The following KIAA1549L variants were observed in gnomAD, a reference collection of about 807,000 sequenced individuals.
KIAA1549L encodes KIAA1549 like.
A neutral mutation model predicts 160.7 loss-of-function variants in KIAA1549L; 88 were observed. The observed-to-expected ratio is 0.55, with a 90% CI of 0.46 to 0.65. The LOEUF (loss-of-function observed/expected upper bound fraction) is 0.65. Among genes scored for constraint, KIAA1549L ranks in the 30% least tolerant of loss-of-function variants. The pLI, the probability that KIAA1549L is intolerant of heterozygous loss-of-function variation, is 0.00. For synonymous variants in KIAA1549L, 950 were observed against 976.7 expected (o/e 0.97, Z 0.51); for missense variants, 2,258 against 2,437.5 (o/e 0.93, Z 1.55).
intron 16 of KIAA1549L, among the ~76,000 whole-genome samples, chr11:33,634,811 A>T (rs576695652): frequency 2.6e-5 from 4 of 152,056 alleles, no homozygotes; most frequent in South Asian, 4.2e-4. Context: ...TCTATGAGAG[A>T]CCCTTTATAT....
intron 1 of KIAA1549L, among the ~76,000 whole-genome samples, chr11:33,408,317 G>A (rs1335229613): frequency 6.6e-6 from 1 of 151,900 alleles, no homozygotes; most frequent in Non-Finnish European, 1.5e-5. Flanking sequence ...GCTGGGCAGG[G>A]GACTTCGTCA....
rs879500574 is a variant in KIAA1549L, at chr11:33,614,531, G to GCTATATATATATATATATAT, written c.5280-4002_5280-4001insCTATATATATATATATATAT. On this transcript the variant is annotated intron_variant, in intron 15 of 20. Coordinates refer to ENST00000658780, the MANE Select transcript of KIAA1549L (RefSeq NM_012194.3). Reference sequence around the variant, plus strand: ...CTCTTGGGATCTGTGAGTGTAACAAGATATATATATATATATATATATATA... The same window carrying GCTATATATATATATATATAT: ...CTCTTGGGATCTGTGAGTGTAACAAGCTATATATATATATATATATATATATATATATATATATATATATA... 1.5e-4 allele frequency among the ~76,000 whole-genome samples: 4 copies of GCTATATATATATATATATAT among 27,114 alleles called. 1 individual carries two copies. Among genetic ancestry groups the GCTATATATATATATATATAT allele is most frequent in the Admixed American group, 6.7e-4 (1 of 1,500 alleles). 17.8% of individuals were successfully genotyped at this position (27,114 alleles called of 152,430 possible).
rs574386996 is a variant in KIAA1549L at position 33,416,612 on chromosome 11, G to A, written c.238+39723G>A. ...ATGGGAGGATGTGTGTAGGTTATAT[G>A]CAAATACTACACCATTTTATATAAG... On this transcript the variant is annotated intron_variant, in intron 1 of 20. Coordinates refer to ENST00000658780, the MANE Select transcript of KIAA1549L (RefSeq NM_012194.3). Among the ~76,000 whole-genome samples, 6 of 152,246 alleles carry A rather than the reference G, an allele frequency of 3.9e-5. No individual in the cohort carries two copies. The South Asian group carries it at 1.2e-3, about 32-fold the overall frequency.
chr11:33,430,252 C>T (rs545955005), intron 1 of KIAA1549L, among the ~76,000 whole-genome samples: 7 of 139,586 alleles, frequency 5.0e-5, no homozygotes, highest in African/African-American at 1.9e-4. Context: ...CTCCCTCCCT[C>T]TCTCCCTCCC....
chr11:33,478,727 A>AT (rs1852345929), intron 1 of KIAA1549L, among the ~76,000 whole-genome samples: 1 of 152,084 alleles, frequency 6.6e-6, no homozygotes, highest in South Asian at 2.1e-4. Context: ...AGGTGCTATT[A>AT]TTTTTTTAAA....
intron 16 of KIAA1549L, among the ~76,000 whole-genome samples, chr11:33,639,963 G>T (rs944433256): frequency 3.3e-5 from 5 of 152,140 alleles, no homozygotes; most frequent in African/African-American, 1.2e-4. Flanking sequence ...CCATTTATTA[G>T]AATGCTATGA....
intron 9 of KIAA1549L, among the ~76,000 whole-genome samples, chr11:33,569,914 A>C (rs1166896379): frequency 2.6e-5 from 4 of 152,168 alleles, no homozygotes; most frequent in Non-Finnish European, 4.4e-5. Context: ...GGGCCACCCT[A>C]CAACCCTGGT....
intron 20 of KIAA1549L, 30 bp from the exon 21 acceptor site, chr11:33,667,843 C>T: frequency 2.5e-6 from 4 of 1,585,138 alleles, no homozygotes; most frequent in Non-Finnish European, 1.7e-6. Context: ...CATGCCAGGC[C>T]CTGTCCTTCT....
chr11:33,578,007 A>AT (rs1455469177), intron 10 of KIAA1549L, among the ~76,000 whole-genome samples: 1 of 152,134 alleles, frequency 6.6e-6, no homozygotes, highest in East Asian at 1.9e-4. Flanking sequence ...TCAAAATGAC[A>AT]TTTTTAGCCA....
intron 15 of KIAA1549L, among the ~76,000 whole-genome samples, chr11:33,614,539 T>C (rs1408833384): frequency 1.7e-3 from 8 of 4,624 alleles, no homozygotes; most frequent in Non-Finnish European, 2.8e-3. Flanking sequence ...AAGATATATA[T>C]ATATATATAT....
At chr11:33,407,844 G>A (rs574831756) in intron 1 of KIAA1549L, among the ~76,000 whole-genome samples, 7 of 152,218 alleles carry the variant, frequency 4.6e-5, no homozygotes, top group South Asian at 2.1e-4. Context: ...AGCCTTCTGC[G>A]CCCGTCTATC....
rs138063173 is a variant in KIAA1549L, at chr11:33,408,489, GTA to G, written c.238+31621_238+31622del. 2.2e-3 allele frequency among the ~76,000 whole-genome samples: 270 copies of G among 122,706 alleles called. 1 individual carries two copies. Among genetic ancestry groups the G allele is most frequent in the South Asian group, 6.7e-3 (27 of 4,046 alleles). 80.5% of individuals were successfully genotyped at this position (122,706 alleles called of 152,430 possible). ...ATATATATACATACTCTGTATATGT[GTA>G]TATATATATATATATATATACACAT... On this transcript the variant is annotated intron_variant, in intron 1 of 20. Transcript: ENST00000658780.
chr11:33,536,305 T>C (rs1853891773), intron 1 of KIAA1549L, among the ~76,000 whole-genome samples: 2 of 152,230 alleles, frequency 1.3e-5, no homozygotes, highest in Admixed American at 1.3e-4. Flanking sequence ...TGTCTGGGCC[T>C]CAGTTGGGAC....
At chr11:33,392,115 G>A (rs1850282746) in intron 1 of KIAA1549L, among the ~76,000 whole-genome samples, 1 of 152,138 alleles carries the variant, frequency 6.6e-6, no homozygotes, top group Non-Finnish European at 1.5e-5. Flanking sequence ...TGGCCTAAGG[G>A]CACATTGCTT....
At chr11:33,535,194 T>C (rs1853865857) in intron 1 of KIAA1549L, among the ~76,000 whole-genome samples, 1 of 152,188 alleles carries the variant, frequency 6.6e-6, no homozygotes, top group East Asian at 1.9e-4. Flanking sequence ...TAAGAGGCTG[T>C]TCATGGTTCC....
rs1851493991 is a variant in KIAA1549L, at chr11:33,441,100, G to A, written c.238+64211G>A. 2.1e-5 allele frequency among the ~76,000 whole-genome samples: 3 copies of A among 139,690 alleles called. No individual in the cohort carries two copies. The South Asian group carries it at 6.8e-4, about 32-fold the overall frequency. 91.6% of individuals were successfully genotyped at this position (139,690 alleles called of 152,430 possible). ...CCTACCTCACAACAGTCCCCAGTGT[G>A]TGATGTTCCCCTTCCCGTGTCCATG... On this transcript the variant is annotated intron_variant, in intron 1 of 20. Coordinates refer to ENST00000658780, the MANE Select transcript of KIAA1549L (RefSeq NM_012194.3).
intron 18 of KIAA1549L, among the ~76,000 whole-genome samples, chr11:33,658,185 G>C (rs978272473): frequency 1.3e-5 from 2 of 152,080 alleles, no homozygotes; most frequent in Non-Finnish European, 2.9e-5. Flanking sequence ...GATTGCCCGG[G>C]GAACAAAAAA....
chr11:33,645,895 A>G lies in KIAA1549L; in HGVS notation c.5619A>G (p.Gln1873=), dbSNP rs1482177225. 2 of 1,613,722 alleles carry G rather than the reference A, an allele frequency of 1.2e-6. No individual in the cohort carries two copies. The change falls in exon 17 of 21, where the codon CAA becomes CAG. Residue 1873 remains glutamine (Q), a synonymous_variant. Transcript: ENST00000658780. ...GCCACGCAGGCCAGAGCCGGCACCA[A>G]GAGGCCTACGGCTCAGCCCAGCACC... ...SAGHAGQSRH[Q]EAYGSAQHLP... is the part of the protein sequence containing the mutation.
chr11:33,445,852 TGTG>T (rs1487872239), intron 1 of KIAA1549L, among the ~76,000 whole-genome samples: 1 of 152,222 alleles, frequency 6.6e-6, no homozygotes, highest in East Asian at 1.9e-4. Flanking sequence ...CCTTCTGCCA[TGTG>T]GGGACACAAC....
Sources: gnomAD v4.1 joint callset for allele counts (sites outside exome capture counted in the v4.1 genomes callset) on GRCh38, gnomAD v4.1.1 for gene constraint, MANE v1.5 for transcripts, NCBI Gene and HGNC (gene_info 2026-07-23, HGNC 2026-07-21) for gene names.